Variants in TBL1Y observed in about 807,000 individuals in gnomAD.
The protein encoded by TBL1Y is transducin beta like 1 Y-linked.
In TBL1Y, 15 loss-of-function variants were observed where a neutral mutation model predicts 12.0. That is an observed-to-expected ratio of 1.25 (90% CI 0.83 to 1.92). The LOEUF (loss-of-function observed/expected upper bound fraction) is 1.92, where lower values mean the gene tolerates loss of function less well. Ranked by LOEUF, TBL1Y falls within the 40% of genes most tolerant of loss-of-function variation. The pLI, the probability that TBL1Y is intolerant of heterozygous loss-of-function variation, is 0.00. For missense variants in TBL1Y, 148 were observed against 116.7 expected, an observed-to-expected ratio of 1.27 and a Z score of -1.24; for synonymous variants, 53 against 42.6, an observed-to-expected ratio of 1.24 and a Z score of -0.95.
intron 4 of TBL1Y, among the ~76,000 whole-genome samples, chrY:7,014,753 A>T: frequency 3.0e-5 from 1 of 33,359 alleles, no homozygotes; most frequent in East Asian, 7.8e-4. Context: ...TAAGAAACAG[A>T]TGTGCTCCTG....
chrY:7,063,062 C>T (rs1330827434), intron 7 of TBL1Y, among the ~76,000 whole-genome samples: 2 of 32,514 alleles, frequency 6.2e-5, no homozygotes, highest in East Asian at 8.3e-4. Context: ...GGTTATTCCT[C>T]GCACAGGGTG....
intron 3 of TBL1Y, among the ~76,000 whole-genome samples, chrY:6,988,663 A>ATCAT (rs2012338548): frequency 5.1e-4 from 13 of 25,727 alleles, no homozygotes; most frequent in Admixed American, 4.6e-3. Context: ...CTGCCTCAAA[A>ATCAT]ACATAAATAA....
intron 4 of TBL1Y, among the ~76,000 whole-genome samples, chrY:7,009,143 G>C: frequency 3.0e-5 from 1 of 33,748 alleles, no homozygotes; most frequent in Non-Finnish European, 7.3e-5. Flanking sequence ...TAACAAGAAA[G>C]GCCACTGAGG....
At chrY:7,033,364 C>A (rs2012667227) in intron 6 of TBL1Y, among the ~76,000 whole-genome samples, 2 of 33,449 alleles carry the variant, frequency 6.0e-5, no homozygotes, top group East Asian at 1.6e-3. Context: ...CAAAAATTCT[C>A]CAGGACGAGA....
chrY:6,914,857 C>T, intron 2 of TBL1Y, among the ~76,000 whole-genome samples: 2 of 33,575 alleles, frequency 6.0e-5, no homozygotes, highest in East Asian at 1.6e-3. Flanking sequence ...AGTGATTTGG[C>T]CAGGAAAATG....
chrY:7,080,733 C>G lies in TBL1Y; in HGVS notation c.957C>G (p.Ala319=). 1 of 398,424 alleles carries G rather than the reference C, an allele frequency of 2.5e-6. No individual in the cohort carries two copies. Among genetic ancestry groups the G allele is most frequent in the East Asian group, 9.2e-5 (1 of 10,849 alleles). ...EAKQQFPFHS[A]PALDVDWQNN... ...AGATGTCCTCCCTCCCTGCTGCAGC[C>G]CCCGCCCTTGATGTGGACTGGCAGA... Residue 319 remains alanine, a splice_region_variant and synonymous_variant, in exon 14 of 19, where the codon GCC becomes GCG. Transcript: ENST00000383032.
At chrY:6,924,005 G>C in intron 2 of TBL1Y, among the ~76,000 whole-genome samples, 1 of 32,450 alleles carries the variant, frequency 3.1e-5, no homozygotes. Context: ...AATTTTTGTA[G>C]AGACAGGTCT....
At chrY:7,081,031 G>A (rs2013095792) in intron 14 of TBL1Y, among the ~76,000 whole-genome samples, 178 bp downstream of exon 14, 1 of 34,162 alleles carries the variant, frequency 2.9e-5, no homozygotes, top group Non-Finnish European at 7.3e-5. Context: ...TGGGGTGTGC[G>A]TTGAGAACAT....
intron 3 of TBL1Y, among the ~76,000 whole-genome samples, chrY:6,993,573 GT>G (rs2012388937): frequency 3.3e-5 from 1 of 30,365 alleles, no homozygotes; most frequent in African/African-American, 1.3e-4. Context: ...CCCCCAATGT[GT>G]GATGTTACCC....
intron 4 of TBL1Y, among the ~76,000 whole-genome samples, chrY:7,010,750 C>T (rs2012514626): frequency 6.2e-5 from 2 of 32,474 alleles, no homozygotes; most frequent in African/African-American, 1.2e-4. Context: ...GTCTGGCCAA[C>T]ATGGTGAAAC....
At chrY:6,993,552 C>A in intron 3 of TBL1Y, among the ~76,000 whole-genome samples, 1 of 30,680 alleles carries the variant, frequency 3.3e-5, no homozygotes, top group African/African-American at 1.3e-4. Flanking sequence ...CCCCCCACAC[C>A]CCTACACCAG....
intron 8 of TBL1Y, among the ~76,000 whole-genome samples, chrY:7,068,372 G>A (rs771423780): frequency 3.1e-4 from 10 of 32,230 alleles, no homozygotes; most frequent in Non-Finnish European, 6.9e-4. Flanking sequence ...TGAGACAATC[G>A]GGCCCTTTTC....
At chrY:7,042,549 C>T (rs1603042727) in intron 6 of TBL1Y, among the ~76,000 whole-genome samples, 1 of 31,402 alleles carries the variant, frequency 3.2e-5, no homozygotes, top group East Asian at 8.4e-4. Flanking sequence ...TGCACCACCA[C>T]GTCCAGCTAA....
chrY:7,089,606 C>T (rs2013160884), intron 17 of TBL1Y, among the ~76,000 whole-genome samples: 2 of 33,514 alleles, frequency 6.0e-5, no homozygotes, highest in African/African-American at 1.2e-4. Flanking sequence ...GCCTGACCAA[C>T]GTGGTGAAGC....
At chrY:7,033,006 G>T (rs1046012060) in intron 6 of TBL1Y, among the ~76,000 whole-genome samples, 5 of 33,524 alleles carry the variant, frequency 1.5e-4, no homozygotes, top group Non-Finnish European at 3.7e-4. Flanking sequence ...TAGAAAGAGA[G>T]ACATAAAAAA....
At chrY:6,957,459 G>A in intron 2 of TBL1Y, among the ~76,000 whole-genome samples, 1 of 34,096 alleles carries the variant, frequency 2.9e-5, no homozygotes, top group Admixed American at 2.6e-4. Context: ...GAGACCTGAG[G>A]GGATGCCGTG....
chrY:6,952,620 C>T, intron 2 of TBL1Y, among the ~76,000 whole-genome samples: 5 of 33,332 alleles, frequency 1.5e-4, no homozygotes, highest in Admixed American at 1.1e-3. Flanking sequence ...TGGGTCTTGA[C>T]TCTTTATCCA....
intron 4 of TBL1Y, among the ~76,000 whole-genome samples, chrY:7,010,604 G>C: frequency 2.9e-5 from 1 of 33,995 alleles, no homozygotes; most frequent in Non-Finnish European, 7.3e-5. Context: ...TACAGATGAG[G>C]CATAACCATC....
chrY:6,971,615 C>T (rs2012208327), intron 2 of TBL1Y, among the ~76,000 whole-genome samples: 1 of 31,074 alleles, frequency 3.2e-5, no homozygotes, highest in Non-Finnish European at 7.8e-5. Flanking sequence ...AGAGACAGAG[C>T]GGGGGAGAGA....
Sources: allele counts gnomAD v4.1 joint callset (sites outside exome capture counted in the v4.1 genomes callset), GRCh38; gene constraint gnomAD v4.1.1; transcripts MANE v1.5; gene names NCBI Gene and HGNC (gene_info 2026-07-23, HGNC 2026-07-21).